SYT14: variants seen among roughly 807,000 people sequenced by gnomAD.
The protein encoded by SYT14 is synaptotagmin-14.
Under a neutral mutation model 74.2 loss-of-function variants are expected in SYT14, and 32 were observed. That is an observed-to-expected ratio of 0.43 (90% CI 0.33 to 0.58). The LOEUF (loss-of-function observed/expected upper bound fraction) is 0.58, where lower values mean the gene tolerates loss of function less well. SYT14 is among the 20% of genes least tolerant of loss of function. The pLI is 0.05. For missense variants in SYT14, 791 were observed against 981.8 expected (o/e 0.81, Z 2.60); for synonymous variants, 298 against 337.7 (o/e 0.88, Z 1.29).
chr1:209,969,111 C>T (rs898786311), intron 2 of SYT14, among the ~76,000 whole-genome samples: 3 of 151,940 alleles, frequency 2.0e-5, no homozygotes, highest in East Asian at 1.9e-4. Context: ...TATTCCATGG[C>T]GTTTATGGAC....
At chr1:209,959,929 A>G (rs1264075458) in intron 2 of SYT14, among the ~76,000 whole-genome samples, 1 of 152,150 alleles carries the variant, frequency 6.6e-6, no homozygotes, top group Admixed American at 6.5e-5. Flanking sequence ...TTTTATCTCA[A>G]TAAAAAAAGC....
rs575179274 is a variant in SYT14, at chr1:210,084,028, A to G, written c.1313-10294A>G. On this transcript the variant is annotated intron_variant, in intron 5 of 9. Coordinates refer to ENST00000637265, the Ensembl canonical transcript of SYT14. ...CCTAGAAGATAATTTTTGAAAATCT[A>G]TAGGCCTCCACTGCAATTTTACCAT... Among the ~76,000 whole-genome samples the G allele has an allele frequency of 5.8e-4, 88 of 152,312 alleles. 2 individuals are homozygous for G. In the South Asian group the frequency reaches 0.016, roughly 28 times the overall value.
At chr1:210,132,832 G>A (rs143402824) in intron 7 of SYT14, among the ~76,000 whole-genome samples, 3 of 152,180 alleles carry the variant, frequency 2.0e-5, no homozygotes, top group Non-Finnish European at 4.4e-5. Context: ...GGATTCTAGC[G>A]TAGCTGCCTT....
At chr1:210,012,018 A>G (rs2080094287) in intron 2 of SYT14, among the ~76,000 whole-genome samples, 1 of 152,188 alleles carries the variant, frequency 6.6e-6, no homozygotes, top group Non-Finnish European at 1.5e-5. Context: ...AGGTGATTTC[A>G]TATATTTGCT....
chr1:209,978,932 C>T (rs1014840802), intron 2 of SYT14, among the ~76,000 whole-genome samples: 2 of 152,180 alleles, frequency 1.3e-5, no homozygotes, highest in Non-Finnish European at 1.5e-5. Flanking sequence ...GCCTCGCTGC[C>T]GCCTTACAGT....
chr1:210,056,128 G>C (rs1323831311), intron 5 of SYT14, among the ~76,000 whole-genome samples: 1 of 152,030 alleles, frequency 6.6e-6, no homozygotes, highest in Non-Finnish European at 1.5e-5. Context: ...ACCTTTATAA[G>C]TTTATGTTCT....
chr1:209,991,352 A>C (rs1240404997), intron 2 of SYT14, among the ~76,000 whole-genome samples: 1 of 152,180 alleles, frequency 6.6e-6, no homozygotes, highest in Non-Finnish European at 1.5e-5. Flanking sequence ...CAACCTGCAG[A>C]ATGGGGGAAA....
At chr1:210,086,505 C>T (rs2081735280) in intron 5 of SYT14, among the ~76,000 whole-genome samples, 1 of 152,168 alleles carries the variant, frequency 6.6e-6, no homozygotes, top group South Asian at 2.1e-4. Flanking sequence ...TGACATATCC[C>T]CATCAGTCTT....
At chr1:209,975,041 G>C (rs994456241) in intron 2 of SYT14, among the ~76,000 whole-genome samples, 1 of 152,156 alleles carries the variant, frequency 6.6e-6, no homozygotes, top group East Asian at 1.9e-4. Flanking sequence ...AAGAATGCTT[G>C]TGATTTTTGC....
At chr1:210,071,650 A>T (rs2081396706) in intron 5 of SYT14, among the ~76,000 whole-genome samples, 1 of 152,020 alleles carries the variant, frequency 6.6e-6, no homozygotes, top group Admixed American at 6.6e-5. Flanking sequence ...TCAATTCCTG[A>T]TTTTTTAAAA....
At chr1:210,003,728 T>G (rs2079942007) in intron 2 of SYT14, among the ~76,000 whole-genome samples, 1 of 152,168 alleles carries the variant, frequency 6.6e-6, no homozygotes, top group South Asian at 2.1e-4. Flanking sequence ...TTGCTGGCAA[T>G]GCTTCTTAAC....
intron 5 of SYT14, among the ~76,000 whole-genome samples, chr1:210,049,739 C>G (rs2080956651): frequency 6.6e-6 from 1 of 152,200 alleles, no homozygotes; most frequent in Non-Finnish European, 1.5e-5. Flanking sequence ...TACTCACAGG[C>G]TCAACACCAC....
chr1:210,061,620 T>C (rs1303029197), intron 5 of SYT14, among the ~76,000 whole-genome samples: 1 of 151,940 alleles, frequency 6.6e-6, no homozygotes, highest in Non-Finnish European at 1.5e-5. Context: ...TTTGATAGAC[T>C]TGAGCTTTTA....
At chr1:210,006,189 T>C (rs1248541227) in intron 2 of SYT14, among the ~76,000 whole-genome samples, 4 of 152,012 alleles carry the variant, frequency 2.6e-5, no homozygotes, top group Non-Finnish European at 5.9e-5. Context: ...TTGTAATGAT[T>C]GTTTTTTATA....
intron 1 of SYT14, among the ~76,000 whole-genome samples, chr1:209,939,098 G>A (rs570869761): frequency 6.6e-6 from 1 of 152,276 alleles, no homozygotes; most frequent in South Asian, 2.1e-4. Flanking sequence ...CCAGAAACAT[G>A]TAACTGGGAC....
At chr1:209,959,998 C>T (rs1481339936) in intron 2 of SYT14, among the ~76,000 whole-genome samples, 7 of 152,084 alleles carry the variant, frequency 4.6e-5, no homozygotes, top group Non-Finnish European at 1.0e-4. Context: ...CAAAAGTTTC[C>T]ATTACCTGAA....
chr1:210,144,532 A>G (rs374091387), intron 7 of SYT14, among the ~76,000 whole-genome samples: 2 of 152,010 alleles, frequency 1.3e-5, no homozygotes, highest in South Asian at 4.1e-4. Flanking sequence ...ACTCATTTAT[A>G]TACTCGTATT....
chr1:209,942,288 G>C (rs531908856), intron 1 of SYT14, among the ~76,000 whole-genome samples: 1 of 147,378 alleles, frequency 6.8e-6, no homozygotes, highest in East Asian at 2.0e-4. Flanking sequence ...AATCCAAAAT[G>C]TTAAGCTTAG....
Position 209,952,691 on chromosome 1 carries a change from A to G in SYT14, c.-533-18A>G, listed in dbSNP as rs535402890. 3.7e-5 allele frequency: 60 copies of G among 1,601,730 alleles called. No homozygotes were observed. Among genetic ancestry groups the G allele is most frequent in the South Asian group, 1.9e-4 (17 of 90,806 alleles). Reference sequence around the variant, plus strand: ...CTACTTTCTATGTTTTTAACTTCCCATAAACTTTTTTTAATAGGTGGAGAG... The same window carrying G: ...CTACTTTCTATGTTTTTAACTTCCCGTAAACTTTTTTTAATAGGTGGAGAG... On this transcript the variant is annotated intron_variant, in intron 1 of 9. Coordinates refer to ENST00000637265, the Ensembl canonical transcript of SYT14.
Sources: gnomAD v4.1 joint callset for allele counts (sites outside exome capture counted in the v4.1 genomes callset) on GRCh38, gnomAD v4.1.1 for gene constraint, MANE v1.5 for transcripts, NCBI Gene and HGNC (gene_info 2026-07-23, HGNC 2026-07-21) for gene names.